The following KPNA3 variants were observed in gnomAD, a reference collection of about 807,000 sequenced individuals.
The protein encoded by KPNA3 is importin subunit alpha-4.
A neutral mutation model predicts 73.8 loss-of-function variants in KPNA3; 13 were observed. The observed-to-expected ratio is 0.18, with a 90% CI of 0.11 to 0.28. The LOEUF is 0.28. KPNA3 is among the 10% of genes least tolerant of loss of function. KPNA3 has a pLI of 1.00. For synonymous variants in KPNA3, 186 were observed against 206.9 expected (o/e 0.90, Z 0.87); for missense variants, 360 against 618.1 (o/e 0.58, Z 4.43).
At chr13:49,729,711 C>T (rs943589211) in intron 6 of KPNA3, among the ~76,000 whole-genome samples, 11 of 152,110 alleles carry the variant, frequency 7.2e-5, no homozygotes, top group Non-Finnish European at 1.5e-4. Flanking sequence ...ACCCAGGAAG[C>T]GGAGCTTGCA....
rs1246982189 is a variant in KPNA3 at position 49,700,675 on chromosome 13, A to C, written c.*1125T>G. The stretch of plus-strand genomic sequence containing the variant: ...GAATGAACTCTTATGACACTTCTAA[A>C]TAGTTGCTGGTTTGTTGCCAACCAC... On this transcript the variant is annotated 3_prime_UTR_variant, in exon 17 of 17. Transcript: ENST00000261667. The C allele has an allele frequency of 6.6e-6, 1 of 152,670 alleles. No homozygotes were observed. 9.5% of individuals were successfully genotyped at this position (152,670 alleles called of 1,614,324 possible). A position where few individuals can be genotyped will look rare whatever the true frequency, so the allele number is the denominator to read the frequency against.
chr13:49,791,868 C>A (rs764062380), intron 1 of KPNA3, among the ~76,000 whole-genome samples: 1 of 152,110 alleles, frequency 6.6e-6, no homozygotes, highest in Non-Finnish European at 1.5e-5. Flanking sequence ...ATCCTACCCT[C>A]CCCCATCGAT....
chr13:49,776,011 T>C (rs1347006293), intron 1 of KPNA3, among the ~76,000 whole-genome samples: 1 of 152,204 alleles, frequency 6.6e-6, no homozygotes, highest in Non-Finnish European at 1.5e-5. Context: ...TTGTTTGCAC[T>C]AGCCCCACAT....
intron 1 of KPNA3, among the ~76,000 whole-genome samples, chr13:49,791,385 T>C (rs1422497819): frequency 6.6e-6 from 1 of 152,236 alleles, no homozygotes; most frequent in Admixed American, 6.5e-5. Context: ...TTGTGCATTA[T>C]ACTTACTGTT....
At chr13:49,735,518 A>C (rs1954514086) in intron 2 of KPNA3, among the ~76,000 whole-genome samples, 1 of 152,166 alleles carries the variant, frequency 6.6e-6, no homozygotes, top group Non-Finnish European at 1.5e-5. Context: ...CCAGTAACTT[A>C]AACTGTCCCT....
In KPNA3 at chr13:49,780,553, C is replaced by T. The variant is rs761811808; in HGVS notation, c.69+11885G>A. ...TGTTACTCCCAAACTCTCTTCTCAT[C>T]TTCACCAATCCATCCCCTATGGTAT... On this transcript the variant is annotated intron_variant, in intron 1 of 16. Transcript: ENST00000261667. Among the ~76,000 whole-genome samples, 3 of 152,206 alleles carry T rather than the reference C, an allele frequency of 2.0e-5. No individual in the cohort carries two copies. In the South Asian group the frequency reaches 6.2e-4, roughly 32 times the overall value.
rs571451190 is a variant in KPNA3 at position 49,792,578 on chromosome 13, G to C, written c.-72C>G. On this transcript the variant is annotated 5_prime_UTR_variant, in exon 1 of 17. Coordinates refer to ENST00000261667, the MANE Select transcript of KPNA3 (RefSeq NM_002267.4). ...GGCGGCGGCGAATCTTGGAGCGGGA[G>C]GGGGAGGAGGGGGAGAGCGGGAGGG... 30 of 805,604 alleles carry C rather than the reference G, an allele frequency of 3.7e-5. No individual in the cohort carries two copies. Among genetic ancestry groups the C allele is most frequent in the South Asian group, 2.9e-4 (19 of 65,250 alleles). 49.9% of individuals were successfully genotyped at this position (805,604 alleles called of 1,614,324 possible). A position where few individuals can be genotyped will look rare whatever the true frequency, so the allele number is the denominator to read the frequency against.
intron 12 of KPNA3, 107 bp downstream of exon 12, chr13:49,709,465 G>A: frequency 6.0e-6 from 5 of 828,472 alleles, no homozygotes; most frequent in South Asian, 4.5e-5. Context: ...TCTCATCTTC[G>A]CTGCAGTGGC....
intron 2 of KPNA3, among the ~76,000 whole-genome samples, chr13:49,739,240 A>C (rs1335267494): frequency 2.6e-5 from 4 of 152,206 alleles, no homozygotes; most frequent in African/African-American, 9.6e-5. Context: ...CTGACTGACC[A>C]ATCATCAAGA....
At chr13:49,728,220 G>A (rs1432392818) in intron 6 of KPNA3, among the ~76,000 whole-genome samples, 1 of 148,554 alleles carries the variant, frequency 6.7e-6, no homozygotes, top group Admixed American at 6.7e-5. Flanking sequence ...GGGCGACAGA[G>A]CGAGACTCTG....
rs922315163 is a variant in KPNA3, at chr13:49,725,423, C to A, written c.462G>T (p.Val154=). The part of the protein sequence containing the change: ...SGTSAQTQAV[V]QSNAVPLFLR... ...AGTAAGGAATTTACTTACTAGACTG[C>A]ACAACAGCTTGAGTCTGTGCAGAAG... is the stretch of plus-strand genomic sequence containing the variant. The change falls in exon 7 of 17, where the codon GTG becomes GTT. Residue 154 remains valine (V), a synonymous_variant. Transcript: ENST00000261667. 62 of 1,606,916 alleles carry A rather than the reference C, an allele frequency of 3.9e-5. No homozygotes were observed. Among genetic ancestry groups the A allele is most frequent in the Non-Finnish European group, 4.9e-5 (57 of 1,174,968 alleles).
chr13:49,747,068 G>T, intron 1 of KPNA3, 75 bp from the exon 2 acceptor site: 1 of 1,099,596 alleles, frequency 9.1e-7, no homozygotes, highest in Non-Finnish European at 1.4e-6. Flanking sequence ...TCAGCTGGGT[G>T]CAGTGGCTCA....
chr13:49,732,001 T>G (rs1350459973), intron 6 of KPNA3, among the ~76,000 whole-genome samples: 1 of 152,220 alleles, frequency 6.6e-6, no homozygotes, highest in Admixed American at 6.5e-5. Flanking sequence ...ACCATCCATG[T>G]TGACTTAGTC....
intron 1 of KPNA3, among the ~76,000 whole-genome samples, chr13:49,764,160 C>G (rs1954791291): frequency 2.4e-5 from 1 of 41,608 alleles, no homozygotes; most frequent in Non-Finnish European, 5.9e-5. Context: ...GAGACAGAAT[C>G]TCGCTCTGTT....
chr13:49,775,051 G>A (rs2137597604), intron 1 of KPNA3, among the ~76,000 whole-genome samples: 1 of 151,850 alleles, frequency 6.6e-6, no homozygotes, highest in African/African-American at 2.4e-5. Flanking sequence ...CTCCTTGGGA[G>A]GCTGAGGCAG....
intron 1 of KPNA3, among the ~76,000 whole-genome samples, chr13:49,752,217 T>C (rs758914074): frequency 6.6e-6 from 1 of 152,136 alleles, no homozygotes; most frequent in Non-Finnish European, 1.5e-5. Flanking sequence ...ATCCTCTTCC[T>C]GGACAATGTC....
At chr13:49,742,618 T>G (rs979845801) in intron 2 of KPNA3, among the ~76,000 whole-genome samples, 3 of 147,520 alleles carry the variant, frequency 2.0e-5, no homozygotes, top group Non-Finnish European at 4.5e-5. Flanking sequence ...TAAATTTTAG[T>G]TTTTTTTTTT....
At chr13:49,789,764 C>G (rs955938786) in intron 1 of KPNA3, among the ~76,000 whole-genome samples, 1 of 152,180 alleles carries the variant, frequency 6.6e-6, no homozygotes, top group African/African-American at 2.4e-5. Flanking sequence ...GTCTCTCTCT[C>G]TCCTACATTT....
At chr13:49,717,183 AAT>A (rs1484089134) in intron 10 of KPNA3, among the ~76,000 whole-genome samples, 1 of 152,182 alleles carries the variant, frequency 6.6e-6, no homozygotes, top group Non-Finnish European at 1.5e-5. Flanking sequence ...GTATAAAACA[AAT>A]ATCATTTCTC....
Sources: allele counts gnomAD v4.1 joint callset (sites outside exome capture counted in the v4.1 genomes callset), GRCh38; gene constraint gnomAD v4.1.1; transcripts MANE v1.5; gene names NCBI Gene and HGNC (gene_info 2026-07-23, HGNC 2026-07-21).